The following KAZN variants were observed in gnomAD, a reference collection of about 807,000 sequenced individuals.
The protein encoded by KAZN is kazrin, periplakin interacting protein.
Under a neutral mutation model 87.4 loss-of-function variants are expected in KAZN, and 40 were observed. The observed-to-expected ratio is 0.46, with a 90% CI of 0.36 to 0.60. The LOEUF (loss-of-function observed/expected upper bound fraction) is 0.60. Among genes scored for constraint, KAZN ranks in the 20% least tolerant of loss-of-function variants. The probability of loss-of-function intolerance (pLI) is 0.00; values close to 1 mark genes in which losing one functional copy is unlikely to be tolerated. For missense variants in KAZN, 898 were observed against 1,073.9 expected (o/e 0.84, Z 2.29); for synonymous variants, 466 against 458.3 (o/e 1.02, Z -0.22).
At chr1:14,384,868 T>C (rs943764121) in intron 2 of KAZN, among the ~76,000 whole-genome samples, 2 of 151,956 alleles carry the variant, frequency 1.3e-5, no homozygotes, top group Non-Finnish European at 2.9e-5. Flanking sequence ...TTTCTATTGA[T>C]TGGAATAGTT....
intron 1 of KAZN, among the ~76,000 whole-genome samples, chr1:14,136,537 C>T (rs766348989): frequency 3.3e-5 from 5 of 152,144 alleles, no homozygotes; most frequent in African/African-American, 7.2e-5. Flanking sequence ...TCCTCAGTCA[C>T]GCAAATAAGA....
At chr1:14,169,528 G>T (rs886723361) in intron 1 of KAZN, among the ~76,000 whole-genome samples, 1 of 152,190 alleles carries the variant, frequency 6.6e-6, no homozygotes, top group African/African-American at 2.4e-5. Flanking sequence ...GTCCTAGGTT[G>T]AGCACACACA....
chr1:14,438,687 G>A (rs1431932167), intron 2 of KAZN, among the ~76,000 whole-genome samples: 1 of 152,224 alleles, frequency 6.6e-6, no homozygotes, highest in African/African-American at 2.4e-5. Context: ...CTGTCATGGA[G>A]GGCTTGTCAG....
rs1224950555 is a variant in KAZN, at chr1:14,939,032, G to A, written c.227-21652G>A. On this transcript the variant is annotated intron_variant, in intron 1 of 14. Coordinates refer to ENST00000376030, the MANE Select transcript of KAZN (RefSeq NM_201628.3). ...CAGTTGCCCAGGCTGGAGAGCAATG[G>A]CATGACCTTGGTTCACTGCAACCAC... 2.0e-5 allele frequency among the ~76,000 whole-genome samples: 3 copies of A among 151,898 alleles called. No individual in the cohort carries two copies. In the East Asian group the frequency reaches 5.8e-4, roughly 30 times the overall value.
At chr1:14,581,857 A>G (rs1299600486) in intron 2 of KAZN, among the ~76,000 whole-genome samples, 2 of 152,032 alleles carry the variant, frequency 1.3e-5, no homozygotes, top group Non-Finnish European at 2.9e-5. Context: ...TTCCCCAACC[A>G]TCTCATATAA....
At chr1:14,000,052 T>A (rs1639710153) in intron 1 of KAZN, among the ~76,000 whole-genome samples, 1 of 152,168 alleles carries the variant, frequency 6.6e-6, no homozygotes, top group African/African-American at 2.4e-5. Flanking sequence ...GAGGCAATAA[T>A]TAATAGCCTA....
At chr1:14,689,100 C>A (rs533819979) in intron 1 of KAZN, among the ~76,000 whole-genome samples, 2 of 152,266 alleles carry the variant, frequency 1.3e-5, no homozygotes, top group African/African-American at 4.8e-5. Context: ...AAGGCTCAGG[C>A]ACGAGAATCC....
intron 1 of KAZN, among the ~76,000 whole-genome samples, chr1:13,924,734 C>T: frequency 6.6e-6 from 1 of 152,332 alleles, no homozygotes; most frequent in Middle Eastern, 3.4e-3. Context: ...CCTTTCCAGA[C>T]TGAACCAGTG....
At chr1:14,162,563 G>A (rs1176421499) in intron 1 of KAZN, among the ~76,000 whole-genome samples, 2 of 59,452 alleles carry the variant, frequency 3.4e-5, no homozygotes, top group African/African-American at 8.7e-5. Context: ...TTTTTTTTTT[G>A]AGACAGAGTC....
At chr1:14,803,199 G>A (rs1646097359) in intron 1 of KAZN, among the ~76,000 whole-genome samples, 2 of 152,098 alleles carry the variant, frequency 1.3e-5, no homozygotes, top group African/African-American at 2.4e-5. Flanking sequence ...GGAAAGTATT[G>A]GTGTCCCCAT....
Position 15,056,047 on chromosome 1 carries a change from C to T in KAZN, c.727-44C>T. On this transcript the variant is annotated intron_variant, in intron 4 of 14. Transcript: ENST00000376030. This position sits in a 1 kb window ranked among gnomAD's most constrained non-coding sequence, Gnocchi z 5.4. ...GTGCCAAGCAGCTGGCCAAGAGTTCCCCTTGATCATGACTTCTTCTTCCTG... is the reference window on the plus strand; with the variant it reads ...GTGCCAAGCAGCTGGCCAAGAGTTCTCCTTGATCATGACTTCTTCTTCCTG... 2 of 1,563,320 alleles carry T rather than the reference C, an allele frequency of 1.3e-6. No homozygotes were observed. Among genetic ancestry groups the T allele is most frequent in the Non-Finnish European group, 1.7e-6 (2 of 1,144,258 alleles).
At chr1:14,943,005 GTGGT>G (rs1661276914) in intron 1 of KAZN, among the ~76,000 whole-genome samples, 2 of 113,242 alleles carry the variant, frequency 1.8e-5, no homozygotes, top group Non-Finnish European at 3.5e-5. Flanking sequence ...GTGTGTGTGT[GTGGT>G]GTGTGTGTGT....
In KAZN at chr1:14,010,777, C is replaced by T. The variant is rs536487888; in HGVS notation, c.91+117021C>T. ...TCAAAGCCCAAAAGGATCTGAGTGA[C>T]ATAAGAGAAAGCCTGACAGCTTCAT... On this transcript the variant is annotated intron_variant, in intron 1 of 16. Coordinates refer to the KAZN transcript ENST00000636203. Among the ~76,000 whole-genome samples, 34 of 152,306 alleles carry T rather than the reference C, an allele frequency of 2.2e-4. 1 individual carries two copies. The South Asian group carries it at 6.2e-3, about 28-fold the overall frequency.
intron 2 of KAZN, among the ~76,000 whole-genome samples, chr1:14,365,188 T>C (rs1659869834): frequency 6.6e-6 from 1 of 151,978 alleles, no homozygotes; most frequent in African/African-American, 2.4e-5. Context: ...GTACTACAAG[T>C]GCCCGCCACC....
chr1:13,937,884 G>A (rs1401211990), intron 1 of KAZN, among the ~76,000 whole-genome samples: 1 of 152,082 alleles, frequency 6.6e-6, no homozygotes, highest in African/African-American at 2.4e-5. Flanking sequence ...ATTGACCTAT[G>A]TTTCTATTTT....
At position 14,686,519 on chromosome 1, in the gene KAZN, T is replaced by G. The variant is rs533402346; in HGVS notation, c.226+87296T>G. Among the ~76,000 whole-genome samples the G allele has an allele frequency of 2.6e-5, 4 of 152,348 alleles. No individual in the cohort carries two copies. In the South Asian group the frequency reaches 8.3e-4, roughly 32 times the overall value. On this transcript the variant is annotated intron_variant, in intron 1 of 14. Coordinates refer to ENST00000376030, the MANE Select transcript of KAZN (RefSeq NM_201628.3). ...AGAGAAATTATGTCTTTATTCTACT[T>G]TTCTTAACTTATTTTTACAATGAAC...
intron 2 of KAZN, among the ~76,000 whole-genome samples, chr1:14,224,692 A>AC (rs904558440): frequency 7.2e-5 from 11 of 152,174 alleles, no homozygotes; most frequent in Non-Finnish European, 1.5e-4. Flanking sequence ...AGAATCTCAG[A>AC]CAGCCAGGGT....
intron 1 of KAZN, among the ~76,000 whole-genome samples, chr1:14,819,717 T>C (rs1264072069): frequency 6.7e-6 from 1 of 149,368 alleles, no homozygotes; most frequent in East Asian, 2.0e-4. Flanking sequence ...TTTTTTTTTT[T>C]TTTTTTTTGA....
chr1:14,240,368 C>T (rs1186503198), intron 2 of KAZN, among the ~76,000 whole-genome samples: 1 of 152,232 alleles, frequency 6.6e-6, no homozygotes, highest in East Asian at 1.9e-4. Flanking sequence ...CCATAGGCTC[C>T]AGGCATGTGC....
Sources: allele counts gnomAD v4.1 joint callset (sites outside exome capture counted in the v4.1 genomes callset), GRCh38; gene constraint gnomAD v4.1.1; non-coding constraint Gnocchi (gnomAD v3.1); transcripts MANE v1.5; gene names NCBI Gene and HGNC (gene_info 2026-07-23, HGNC 2026-07-21).